PPP2R5C: variants seen among roughly 807,000 people sequenced by gnomAD.
The protein encoded by PPP2R5C is serine/threonine-protein phosphatase 2A 56 kDa regulatory subunit gamma isoform.
In PPP2R5C, 7 loss-of-function variants were observed where a neutral mutation model predicts 68.9. The observed-to-expected ratio is 0.10, with a 90% CI of 0.06 to 0.19. PPP2R5C has a LOEUF of 0.19. PPP2R5C is among the 10% of genes least tolerant of loss of function. The pLI, the probability that PPP2R5C is intolerant of heterozygous loss-of-function variation, is 1.00. For missense variants in PPP2R5C, 348 were observed against 641.3 expected (o/e 0.54, Z 4.94); for synonymous variants, 210 against 222.2 (o/e 0.95, Z 0.49).
chr14:101,767,922 C>T (rs547525096), intron 2 of PPP2R5C, among the ~76,000 whole-genome samples: 238 of 152,314 alleles, frequency 1.6e-3, no homozygotes, highest in African/African-American at 5.6e-3. Context: ...AGCCCCCATT[C>T]CTGTCCTACA....
chr14:101,761,754 C>T, upstream of PPP2R5C: 1 of 960,126 alleles, frequency 1.0e-6, no homozygotes. Flanking sequence ...AAAGGGGAAG[C>T]GAGAGCAAGC....
intron 2 of PPP2R5C, among the ~76,000 whole-genome samples, chr14:101,784,815 C>T (rs2038012330): frequency 6.6e-6 from 1 of 152,206 alleles, no homozygotes; most frequent in African/African-American, 2.4e-5. Flanking sequence ...GACACAGCAG[C>T]TGTTGGCTGT....
intron 2 of PPP2R5C, among the ~76,000 whole-genome samples, chr14:101,779,643 G>A (rs1566829542): frequency 6.6e-6 from 1 of 152,136 alleles, no homozygotes; most frequent in African/African-American, 2.4e-5. Context: ...GGAAAAATAA[G>A]TGTGGGGGAG....
chr14:101,895,726 C>G (rs1270093338), intron 8 of PPP2R5C, among the ~76,000 whole-genome samples: 1 of 152,096 alleles, frequency 6.6e-6, no homozygotes, highest in African/African-American at 2.4e-5. Context: ...TCAGTGTACA[C>G]CTGGGTTGTT....
In PPP2R5C at chr14:101,917,420, C is replaced by A. The variant is rs2046738808; in HGVS notation, c.1327-411C>A. On this transcript the variant is annotated intron_variant, in intron 12 of 13. Transcript: ENST00000334743. The surrounding 1 kb of genome is among the most constrained non-coding windows in gnomAD (Gnocchi z 4.4). ...ATCGTGAGAGGAAAGGGAAAAGAAT[C>A]ATGAGGTTGGAGGTCGCTGGCAAAG... is the stretch of plus-strand genomic sequence containing the variant. Among the ~76,000 whole-genome samples the A allele has an allele frequency of 6.6e-6, 1 of 152,150 alleles. No individual in the cohort carries two copies. Among genetic ancestry groups the A allele is most frequent in the Non-Finnish European group, 1.5e-5 (1 of 68,010 alleles).
At chr14:101,838,268 G>A (rs183021591) in intron 1 of PPP2R5C, among the ~76,000 whole-genome samples, 12 of 152,324 alleles carry the variant, frequency 7.9e-5, no homozygotes, top group African/African-American at 2.9e-4. Context: ...GTGGAAAAAG[G>A]AGAGAAATCA....
intron 1 of PPP2R5C, chr14:101,824,325 G>T: frequency 1.9e-6 from 1 of 520,030 alleles, no homozygotes; most frequent in Non-Finnish European, 2.9e-6. Flanking sequence ...CTCTGTTTTA[G>T]TGTAGACATT....
chr14:101,918,027 G>A, intron 13 of PPP2R5C, 80 bp downstream of exon 15: 3 of 1,583,812 alleles, frequency 1.9e-6, no homozygotes, highest in Non-Finnish European at 2.6e-6. Context: ...GATGTGATTT[G>A]CATCAGTGCC....
At chr14:101,786,326 T>TA (rs1276311559) in intron 3 of PPP2R5C, 143 bp downstream of exon 3, 1 of 650,366 alleles carries the variant, frequency 1.5e-6, no homozygotes, top group Non-Finnish European at 2.4e-6. Context: ...TTTTTTTTTT[T>TA]AGGTTGAATG....
chr14:101,905,501 A>C, intron 9 of PPP2R5C, among the ~76,000 whole-genome samples: 1 of 151,802 alleles, frequency 6.6e-6, no homozygotes, highest in Non-Finnish European at 1.5e-5. Context: ...TCCACTAAAA[A>C]TACAAAAAAG....
chr14:101,809,334 T>C (rs775148962), upstream of PPP2R5C, among the ~76,000 whole-genome samples: 2 of 151,640 alleles, frequency 1.3e-5, no homozygotes, highest in Non-Finnish European at 2.9e-5. Flanking sequence ...GTAAGGGAAG[T>C]TGAATAAGAG....
chr14:101,787,814 A>G (rs1203048545), intron 3 of PPP2R5C, among the ~76,000 whole-genome samples: 1 of 151,150 alleles, frequency 6.6e-6, no homozygotes, highest in Admixed American at 6.6e-5. Context: ...CATTTTCTAG[A>G]GCTTGTATTT....
chr14:101,812,429 GTTTATTTAGGAAGGA>G (rs1161296847), intron 1 of PPP2R5C, among the ~76,000 whole-genome samples: 2 of 152,164 alleles, frequency 1.3e-5, no homozygotes, highest in East Asian at 3.9e-4. Context: ...TGTCCTTCCC[GTTTATTTAGGAAGGA>G]GGGGTCTTTC....
chr14:101,881,725 C>T (rs1181888000), intron 2 of PPP2R5C, among the ~76,000 whole-genome samples: 1 of 152,254 alleles, frequency 6.6e-6, no homozygotes, highest in Non-Finnish European at 1.5e-5. Flanking sequence ...GTCCTCCCTG[C>T]GTGACGCAGC....
intron 9 of PPP2R5C, among the ~76,000 whole-genome samples, chr14:101,904,783 G>A (rs538032682): frequency 6.6e-6 from 1 of 152,348 alleles, no homozygotes; most frequent in East Asian, 1.9e-4. Flanking sequence ...TCCAAGTGCT[G>A]CTGTGAGTTG....
intron 1 of PPP2R5C, chr14:101,844,048 A>G (rs888233568): frequency 1.3e-5 from 2 of 153,156 alleles, no homozygotes; most frequent in Non-Finnish European, 2.9e-5. Context: ...TGCACAATTC[A>G]TCCTTTGCCC....
chr14:101,818,943 T>C (rs757085216), intron 1 of PPP2R5C: 19 of 1,395,844 alleles, frequency 1.4e-5, no homozygotes, highest in African/African-American at 1.4e-5. Flanking sequence ...TGTGTTCTAA[T>C]TATGGTATTT....
At chr14:101,808,661 A>G (rs543201370), upstream of PPP2R5C, among the ~76,000 whole-genome samples, 1 of 152,322 alleles carries the variant, frequency 6.6e-6, no homozygotes, top group Admixed American at 6.5e-5. Flanking sequence ...ACTGTGAATT[A>G]TGTTTAGGAA....
intron 11 of PPP2R5C, among the ~76,000 whole-genome samples, chr14:101,910,566 C>T (rs944276618): frequency 6.6e-5 from 10 of 152,234 alleles, no homozygotes; most frequent in Non-Finnish European, 1.3e-4. Flanking sequence ...GGTGCGGTGG[C>T]TCACGCCTGT....
Sources: allele counts gnomAD v4.1 joint callset (sites outside exome capture counted in the v4.1 genomes callset), GRCh38; gene constraint gnomAD v4.1.1; non-coding constraint Gnocchi (gnomAD v3.1); transcripts MANE v1.5; gene names NCBI Gene and HGNC (gene_info 2026-07-23, HGNC 2026-07-21).